RBFOX1: variants seen among roughly 807,000 people sequenced by gnomAD.
RBFOX1 encodes RNA binding protein fox-1 homolog 1.
RBFOX1 carries 8 observed loss-of-function variants against 57.7 expected under a neutral mutation model. The observed-to-expected ratio is 0.14, with a 90% CI of 0.08 to 0.25. The LOEUF (loss-of-function observed/expected upper bound fraction) is 0.25. RBFOX1 is among the 10% of genes least tolerant of loss of function. The pLI, the probability that RBFOX1 is intolerant of heterozygous loss-of-function variation, is 1.00. For synonymous variants in RBFOX1, 326 were observed against 222.4 expected, an observed-to-expected ratio of 1.47 and a Z score of -4.15; for missense variants, 611 against 548.5, an observed-to-expected ratio of 1.11 and a Z score of -1.14.
At chr16:6,657,736 C>T (rs772309466) in intron 3 of RBFOX1, among the ~76,000 whole-genome samples, 2 of 152,116 alleles carry the variant, frequency 1.3e-5, no homozygotes, top group African/African-American at 2.4e-5. Flanking sequence ...GTAAACCTGT[C>T]TCTGAAGCGG....
chr16:5,810,312 A>G (rs151323253), intron 3 of RBFOX1, among the ~76,000 whole-genome samples: 1 of 152,088 alleles, frequency 6.6e-6, no homozygotes, highest in South Asian at 2.1e-4. Flanking sequence ...GTATCCTAAA[A>G]CTTAAAGTAT....
At chr16:6,894,424 A>G (rs56112752) in intron 3 of RBFOX1, among the ~76,000 whole-genome samples, 34,873 of 152,032 alleles carry the variant, frequency 0.23, 4,086 homozygotes, top group Middle Eastern at 0.28. Context: ...GCACTTCTCT[A>G]ATTCTGTGAG....
chr16:5,795,391 T>C (rs1054417777), intron 3 of RBFOX1, among the ~76,000 whole-genome samples: 1 of 151,946 alleles, frequency 6.6e-6, no homozygotes, highest in African/African-American at 2.4e-5. Flanking sequence ...GCTGTGTCAA[T>C]CTTCTGGGCT....
chr16:6,123,239 G>T (rs2152644416), intron 1 of RBFOX1, among the ~76,000 whole-genome samples: 1 of 152,280 alleles, frequency 6.6e-6, no homozygotes, highest in East Asian at 1.9e-4. Flanking sequence ...TAGCCAAAAG[G>T]TGGAAACAAC....
At chr16:6,058,861 CATCCATCCATCCATCCATCCAGCT>C (rs1391353167) in intron 1 of RBFOX1, among the ~76,000 whole-genome samples, 7 of 150,802 alleles carry the variant, frequency 4.6e-5, no homozygotes, top group African/African-American at 1.7e-4. Flanking sequence ...TCCATCCATC[CATCCATCCATCCATCCATCCAGCT>C]ATCATGTATA....
chr16:7,491,123 C>T (rs1482501208), intron 4 of RBFOX1, among the ~76,000 whole-genome samples: 1 of 152,048 alleles, frequency 6.6e-6, no homozygotes, highest in East Asian at 1.9e-4. Flanking sequence ...AGTCATCAGC[C>T]CTCTAATTAT....
chr16:6,595,886 C>A (rs571408440), intron 2 of RBFOX1, among the ~76,000 whole-genome samples: 2 of 152,008 alleles, frequency 1.3e-5, no homozygotes, highest in African/African-American at 4.8e-5. Flanking sequence ...AAAAATACTT[C>A]GCCAACTTTT....
intron 4 of RBFOX1, among the ~76,000 whole-genome samples, chr16:7,300,640 A>G (rs1696941142): frequency 6.6e-6 from 1 of 152,048 alleles, no homozygotes; most frequent in Non-Finnish European, 1.5e-5. Context: ...AATGTCTGCT[A>G]TTTCAACAGC....
At chr16:6,830,166 C>T (rs915789113) in intron 3 of RBFOX1, among the ~76,000 whole-genome samples, 2 of 152,106 alleles carry the variant, frequency 1.3e-5, no homozygotes, top group African/African-American at 4.8e-5. Flanking sequence ...ATCTGCCCAC[C>T]TAAGCCTCCC....
chr16:6,893,476 T>C (rs575111439), intron 3 of RBFOX1, among the ~76,000 whole-genome samples: 2 of 152,312 alleles, frequency 1.3e-5, no homozygotes, highest in East Asian at 1.9e-4. Flanking sequence ...AGCTGTGCGA[T>C]AGAGAGGTCC....
At chr16:7,058,794 C>A (rs1455443243) in intron 4 of RBFOX1, among the ~76,000 whole-genome samples, 1 of 152,084 alleles carries the variant, frequency 6.6e-6, no homozygotes, top group Non-Finnish European at 1.5e-5. Flanking sequence ...GTTTCCTTGG[C>A]ACACATCGTA....
At chr16:5,419,269 C>T (rs999994895) in intron 1 of RBFOX1, among the ~76,000 whole-genome samples, 10 of 152,040 alleles carry the variant, frequency 6.6e-5, no homozygotes, top group Non-Finnish European at 1.5e-4. Flanking sequence ...CATAGTAGGC[C>T]GTCTACAAGC....
rs75288117 is a variant in RBFOX1, at chr16:5,885,431, T to A, written c.351+18096T>A. Among the ~76,000 whole-genome samples the A allele has an allele frequency of 1.6e-3, 240 of 152,048 alleles. 1 individual carries two copies. Among genetic ancestry groups the A allele is most frequent in the African/African-American group, 5.6e-3 (232 of 41,468 alleles). The stretch of plus-strand genomic sequence containing the variant: ...GCTAGTAAAATAGCAACTTGCAAGG[T>A]TAAGAAAAGCATCACAAAACATGTT... On this transcript the variant is annotated intron_variant, in intron 4 of 19. Transcript: ENST00000641259.
intron 5 of RBFOX1, among the ~76,000 whole-genome samples, chr16:7,545,183 T>G (rs1216199721): frequency 2.0e-5 from 3 of 152,204 alleles, no homozygotes; most frequent in Admixed American, 6.5e-5. Flanking sequence ...TTACGTGGAC[T>G]GGGAGAACAC....
chr16:5,725,890 C>T (rs968301388), intron 3 of RBFOX1, among the ~76,000 whole-genome samples: 3 of 152,032 alleles, frequency 2.0e-5, no homozygotes, highest in East Asian at 3.9e-4. Context: ...AGGTTTGCTG[C>T]AGGTTGGGGT....
At chr16:7,081,487 C>G (rs2059190703) in intron 4 of RBFOX1, among the ~76,000 whole-genome samples, 1 of 152,164 alleles carries the variant, frequency 6.6e-6, no homozygotes. Flanking sequence ...GAGAAATTCA[C>G]CTCCCAAGGC....
chr16:6,119,146 C>T lies in RBFOX1; in HGVS notation c.-127+99154C>T, dbSNP rs79236381. ...TTTACAGATATAATGGCATTACCTA[C>T]ACCATGTTTCTTAGATGGGGATTAT... On this transcript the variant is annotated intron_variant, in intron 1 of 15. Transcript: ENST00000550418. Among the ~76,000 whole-genome samples the T allele has an allele frequency of 1.2e-3, 186 of 152,018 alleles. 1 individual carries two copies. In the East Asian group the frequency reaches 0.028, roughly 23 times the overall value.
At chr16:6,532,733 TC>T (rs2096676589) in intron 2 of RBFOX1, among the ~76,000 whole-genome samples, 1 of 152,164 alleles carries the variant, frequency 6.6e-6, no homozygotes, top group South Asian at 2.1e-4. Flanking sequence ...TTCCCATTTG[TC>T]TGAGCTTAGG....
intron 3 of RBFOX1, among the ~76,000 whole-genome samples, chr16:6,931,810 C>G (rs971481859): frequency 6.6e-6 from 1 of 152,096 alleles, no homozygotes; most frequent in African/African-American, 2.4e-5. Flanking sequence ...TAAGTTTACT[C>G]AGTTATGATT....
Sources: gnomAD v4.1 joint callset for allele counts (sites outside exome capture counted in the v4.1 genomes callset) on GRCh38, gnomAD v4.1.1 for gene constraint, MANE v1.5 for transcripts, NCBI Gene and HGNC (gene_info 2026-07-23, HGNC 2026-07-21) for gene names.